Variants in MATN2 observed in about 807,000 individuals in gnomAD.
The protein encoded by MATN2 is matrilin-2.
In MATN2, 69 loss-of-function variants were observed where a neutral mutation model predicts 103.2. The ratio of observed to expected loss-of-function variants is 0.67; its 90% CI spans 0.55 to 0.82. The LOEUF (loss-of-function observed/expected upper bound fraction) is 0.82, where lower values mean the gene tolerates loss of function less well. MATN2 is among the 40% of genes least tolerant of loss of function. The probability of loss-of-function intolerance (pLI) is 0.00; values close to 1 mark genes in which losing one functional copy is unlikely to be tolerated. For missense variants in MATN2, 1,023 were observed against 1,211.5 expected, an observed-to-expected ratio of 0.84 and a Z score of 2.31; for synonymous variants, 429 against 450.2, an observed-to-expected ratio of 0.95 and a Z score of 0.60.
chr8:97,887,236 C>T (rs758475221), intron 1 of MATN2, among the ~76,000 whole-genome samples: 10 of 151,256 alleles, frequency 6.6e-5, no homozygotes, highest in South Asian at 4.2e-4. Context: ...TTTGTAGAAA[C>T]GAGGCCTTGC....
chr8:97,968,238 G>A (rs1165648215), intron 5 of MATN2, among the ~76,000 whole-genome samples: 3 of 152,226 alleles, frequency 2.0e-5, no homozygotes, highest in African/African-American at 7.2e-5. Context: ...GGCCTTTGAT[G>A]GGGAGTGGGT....
intron 18 of MATN2, chr8:98,034,122 T>C (rs1034942594): frequency 6.6e-6 from 3 of 455,450 alleles, no homozygotes; most frequent in Non-Finnish European, 1.3e-5. Flanking sequence ...AGATTCAGTG[T>C]GTTTAGTTTC....
rs1360331108 is a variant in MATN2, at chr8:98,007,684, CT to C, written c.1573+84del. On this transcript the variant is annotated intron_variant, in intron 10 of 18. Transcript: ENST00000254898. The surrounding 1 kb of genome is among the most constrained non-coding windows in gnomAD (Gnocchi z 4.2). ...GTGCGCTGCCGACGTGTATATGTGC[CT>C]GTGTGTCCTGTCTCCAGGCTTTGCT... 14 of 1,483,968 alleles carry C rather than the reference CT, an allele frequency of 9.4e-6. No individual in the cohort carries two copies. Among genetic ancestry groups the C allele is most frequent in the African/African-American group, 2.8e-5 (2 of 72,504 alleles). 91.9% of individuals were successfully genotyped at this position (1,483,968 alleles called of 1,614,324 possible).
intron 3 of MATN2, among the ~76,000 whole-genome samples, chr8:97,938,271 T>C (rs1484466829): frequency 6.6e-6 from 1 of 151,988 alleles, no homozygotes; most frequent in Non-Finnish European, 1.5e-5. Flanking sequence ...AAGAAGAGAG[T>C]CTTTCAGGAT....
chr8:97,892,046 G>A (rs1218340671), intron 2 of MATN2, among the ~76,000 whole-genome samples: 1 of 152,026 alleles, frequency 6.6e-6, no homozygotes, highest in African/African-American at 2.4e-5. Flanking sequence ...AGACCAGCCT[G>A]GCCAACATGG....
intron 10 of MATN2, among the ~76,000 whole-genome samples, chr8:98,015,069 A>T (rs181841072): frequency 2.1e-3 from 322 of 152,342 alleles, no homozygotes; most frequent in Middle Eastern, 0.014. Flanking sequence ...GAAGCCACCC[A>T]GCCCTGTAAG....
At chr8:97,873,245 A>C (rs1183158186) in intron 1 of MATN2, among the ~76,000 whole-genome samples, 1 of 152,186 alleles carries the variant, frequency 6.6e-6, no homozygotes, top group East Asian at 1.9e-4. Context: ...GAAATATTAG[A>C]GTATTAGAGA....
At chr8:97,976,992 G>A (rs926222335) in intron 5 of MATN2, among the ~76,000 whole-genome samples, 20 of 152,020 alleles carry the variant, frequency 1.3e-4, no homozygotes, top group African/African-American at 4.8e-4. Context: ...CAGCACTTTG[G>A]GAGGAGGCTG....
At chr8:97,914,329 C>T (rs1175078511) in intron 2 of MATN2, among the ~76,000 whole-genome samples, 3 of 144,114 alleles carry the variant, frequency 2.1e-5, no homozygotes, top group African/African-American at 7.8e-5. Flanking sequence ...CCCTTCAGTG[C>T]TCCTCGTTTG....
intron 10 of MATN2, among the ~76,000 whole-genome samples, chr8:98,012,689 T>G (rs1813213373): frequency 1.3e-5 from 2 of 152,158 alleles, no homozygotes; most frequent in South Asian, 4.1e-4. Flanking sequence ...CTAGTTTGTC[T>G]TCTGAGAATC....
intron 6 of MATN2, among the ~76,000 whole-genome samples, chr8:97,983,724 T>A (rs897066084): frequency 1.3e-5 from 2 of 152,236 alleles, no homozygotes; most frequent in African/African-American, 4.8e-5. Flanking sequence ...TGGTTGACAT[T>A]TCCATCCTTA....
chr8:97,964,521 C>T (rs1811423043), intron 5 of MATN2, among the ~76,000 whole-genome samples: 1 of 151,130 alleles, frequency 6.6e-6, no homozygotes, highest in Non-Finnish European at 1.5e-5. Context: ...GCTTTGCAGC[C>T]TCGACCTCCT....
At chr8:98,015,423 G>A (rs1813325760) in intron 10 of MATN2, among the ~76,000 whole-genome samples, 1 of 152,154 alleles carries the variant, frequency 6.6e-6, no homozygotes, top group African/African-American at 2.4e-5. Context: ...AGCCAACCTT[G>A]CTGGCCTCAT....
chr8:98,003,964 T>G, intron 8 of MATN2, 181 bp downstream of exon 8: 4 of 650,682 alleles, frequency 6.1e-6, no homozygotes, highest in Non-Finnish European at 7.8e-6. Flanking sequence ...GCTATCGGCC[T>G]AGCCAACTTG....
chr8:97,895,712 T>C (rs1292791619), intron 2 of MATN2, among the ~76,000 whole-genome samples: 1 of 152,220 alleles, frequency 6.6e-6, no homozygotes, highest in Non-Finnish European at 1.5e-5. Flanking sequence ...GAAAGGCAAC[T>C]CTCATTTACT....
At chr8:98,032,151 G>A (rs7357606) in intron 15 of MATN2, 95 bp from the exon 16 acceptor site, 1 of 923,978 alleles carries the variant, frequency 1.1e-6, no homozygotes. Context: ...GGTTATGGCA[G>A]GTAGGTAAGG....
chr8:97,923,642 A>G (rs10086957), intron 2 of MATN2, among the ~76,000 whole-genome samples: 360 of 151,538 alleles, frequency 2.4e-3, no homozygotes, highest in African/African-American at 8.2e-3. Flanking sequence ...TGCTATGTCT[A>G]GCCTCCCAGG....
Position 98,030,556 on chromosome 8 carries a change from C to T in MATN2, c.2451C>T (p.Ala817=), listed in dbSNP as rs763105386. 21 of 1,613,544 alleles carry T rather than the reference C, an allele frequency of 1.3e-5. No homozygotes were observed. The highest frequency in any genetic ancestry group is 5.0e-5 in the Admixed American group (3 of 59,994). Residue 817 remains alanine, a synonymous_variant, in exon 15 of 19, where the codon GCC becomes GCT. Coordinates refer to ENST00000254898, the MANE Select transcript of MATN2 (RefSeq NM_002380.5). ...CCACAAACAAGCATCTCTTCTATGC[C>T]GAAGACTTCAGCACAATGGATGAGA... ...SEPTNKHLFY[A]EDFSTMDEIS...
chr8:97,881,603 G>A (rs980555185), intron 1 of MATN2, among the ~76,000 whole-genome samples: 6 of 152,080 alleles, frequency 3.9e-5, no homozygotes, highest in Admixed American at 2.6e-4. Flanking sequence ...GAATCTGTTC[G>A]GACTGAATTA....
Sources: allele counts gnomAD v4.1 joint callset (sites outside exome capture counted in the v4.1 genomes callset), GRCh38; gene constraint gnomAD v4.1.1; non-coding constraint Gnocchi (gnomAD v3.1); transcripts MANE v1.5; gene names NCBI Gene and HGNC (gene_info 2026-07-23, HGNC 2026-07-21).